MSN: variants seen among roughly 807,000 people sequenced by gnomAD.
MSN encodes the protein epididymis luminal protein 70.
Under a neutral mutation model 48.0 loss-of-function variants are expected in MSN, and 2 were observed. The ratio of observed to expected loss-of-function variants is 0.04; its 90% confidence interval spans 0.02 to 0.13. MSN has a LOEUF of 0.13. Ranked by LOEUF, MSN falls within the 10% of genes least tolerant of loss-of-function variation. The pLI, the probability that MSN is intolerant of heterozygous loss-of-function variation, is 1.00. For missense variants in MSN, 267 were observed against 470.1 expected, an observed-to-expected ratio of 0.57 and a Z score of 3.99; for synonymous variants, 146 against 166.9, an observed-to-expected ratio of 0.87 and a Z score of 0.97.
chrX:65,648,778 G>T (rs917341325), intron 1 of MSN, among the ~76,000 whole-genome samples: 3 of 109,663 alleles, frequency 2.7e-5, no homozygotes, highest in Non-Finnish European at 3.8e-5. Context: ...CAGGAGAATC[G>T]CTTGAACCTG....
intron 1 of MSN, chrX:65,716,523 A>C: frequency 2.8e-6 from 1 of 353,777 alleles, no homozygotes. Flanking sequence ...CAATCCACCC[A>C]CCTCGGCCTC....
Position 65,647,212 on chromosome X carries a change from C to CT in MSN, c.-22+58617dup, listed in dbSNP as rs764965063. Among the ~76,000 whole-genome samples the CT allele has an allele frequency of 9.1e-3, 883 of 96,538 alleles. 16 individuals carry two copies. Among genetic ancestry groups the CT allele is most frequent in the African/African-American group, 0.025 (673 of 26,671 alleles). 83.8% of individuals were successfully genotyped at this position (96,538 alleles called of 115,157 possible). On this transcript the variant is annotated intron_variant, in intron 1 of 3. Transcript: ENST00000609672. Reference sequence around the variant, plus strand: ...GAAAGGTGGTTAGTTTGCTCTATCTCTTTTTTTTTTTTTTTTTGAGATGGA... The same window carrying CT: ...GAAAGGTGGTTAGTTTGCTCTATCTCTTTTTTTTTTTTTTTTTTGAGATGGA...
intron 1 of MSN, among the ~76,000 whole-genome samples, chrX:65,653,756 A>G (rs191170129): frequency 9.1e-6 from 1 of 110,487 alleles, no homozygotes; most frequent in Admixed American, 9.7e-5. Context: ...CATAGCTATG[A>G]CCACACTTTT....
At chrX:65,664,279 A>G (rs2070849526), upstream of MSN, among the ~76,000 whole-genome samples, 2 of 110,896 alleles carry the variant, frequency 1.8e-5, no homozygotes, top group South Asian at 7.7e-4. Flanking sequence ...TTGAGCACCT[A>G]CAGACATAAA....
At chrX:65,688,372 C>T (rs1310656306) in intron 1 of MSN, among the ~76,000 whole-genome samples, 4 of 111,720 alleles carry the variant, frequency 3.6e-5, no homozygotes, top group Non-Finnish European at 7.5e-5. Context: ...GCCAACACAC[C>T]CAGCCAGGAA....
intron 1 of MSN, among the ~76,000 whole-genome samples, chrX:65,671,612 G>A: frequency 1.8e-5 from 2 of 112,074 alleles, no homozygotes; most frequent in South Asian, 7.5e-4. Flanking sequence ...GAGGTCATAT[G>A]AGAGAGGATC....
At chrX:65,681,152 T>A (rs1375234766) in intron 1 of MSN, among the ~76,000 whole-genome samples, 19 of 111,215 alleles carry the variant, frequency 1.7e-4, no homozygotes, top group Non-Finnish European at 1.9e-5. Context: ...CTCTTCTTCA[T>A]CTCCCCCCCA....
intron 2 of MSN, among the ~76,000 whole-genome samples, chrX:65,717,957 G>C (rs1420642324): frequency 1.7e-4 from 19 of 111,965 alleles, no homozygotes; most frequent in African/African-American, 5.5e-4. Context: ...TGACTGGTGA[G>C]AGAAAAGACA....
At chrX:65,677,714 C>T (rs1230228517) in intron 1 of MSN, among the ~76,000 whole-genome samples, 1 of 108,600 alleles carries the variant, frequency 9.2e-6, no homozygotes, top group Admixed American at 9.9e-5. Context: ...GCTGAGATCA[C>T]GCCATTGCAC....
chrX:65,656,572 G>A (rs767711624), intron 1 of MSN, among the ~76,000 whole-genome samples: 4 of 111,359 alleles, frequency 3.6e-5, no homozygotes, highest in Non-Finnish European at 7.5e-5. Context: ...AACAAAAACT[G>A]TGATCCCTTT....
At chrX:65,602,337 T>C (rs7065429) in intron 1 of MSN, among the ~76,000 whole-genome samples, 24,783 of 111,116 alleles carry the variant, frequency 0.22, 6,778 homozygotes, top group African/African-American at 0.77. Context: ...TCTCTTCATC[T>C]CCAAGGCTGC....
intron 1 of MSN, among the ~76,000 whole-genome samples, chrX:65,604,909 C>T (rs773275559): frequency 1.8e-5 from 2 of 111,889 alleles, no homozygotes; most frequent in African/African-American, 6.5e-5. Context: ...TACCTCCCTA[C>T]AGTCAATGCT....
At chrX:65,696,523 T>A (rs2071242108) in intron 1 of MSN, among the ~76,000 whole-genome samples, 1 of 111,253 alleles carries the variant, frequency 9.0e-6, no homozygotes, top group African/African-American at 3.3e-5. Context: ...TTGGCCTCTT[T>A]ACTGTTGTCT....
chrX:65,680,300 A>T (rs1336373770), intron 1 of MSN, among the ~76,000 whole-genome samples: 1 of 111,929 alleles, frequency 8.9e-6, no homozygotes, highest in Non-Finnish European at 1.9e-5. Flanking sequence ...TCATATATGT[A>T]CCTTAGTTTT....
At chrX:65,685,178 T>TG (rs1309824636) in intron 1 of MSN, among the ~76,000 whole-genome samples, 1 of 112,653 alleles carries the variant, frequency 8.9e-6, no homozygotes, top group Non-Finnish European at 1.9e-5. Flanking sequence ...ACCCTTCTGT[T>TG]GCGATGAAAG....
intron 1 of MSN, among the ~76,000 whole-genome samples, chrX:65,596,376 G>A (rs2070186726): frequency 9.0e-6 from 1 of 110,542 alleles, no homozygotes; most frequent in South Asian, 3.8e-4. Flanking sequence ...GTTTGGGAGG[G>A]AGGGAGTCTG....
intron 1 of MSN, among the ~76,000 whole-genome samples, chrX:65,695,529 A>C (rs1360350622): frequency 9.3e-6 from 1 of 107,904 alleles, no homozygotes; most frequent in Admixed American, 9.9e-5. Flanking sequence ...AAAAAAAAAA[A>C]AAAAACAAAG....
chrX:65,681,429 A>G (rs1337050638), intron 1 of MSN, among the ~76,000 whole-genome samples: 1 of 111,778 alleles, frequency 8.9e-6, no homozygotes, highest in Admixed American at 9.5e-5. Context: ...AGTAATATAC[A>G]TGGTGAGGGA....
chrX:65,644,942 G>A (rs752807645), intron 1 of MSN, among the ~76,000 whole-genome samples: 1 of 112,583 alleles, frequency 8.9e-6, no homozygotes, highest in East Asian at 2.8e-4. Context: ...TAACTCCAGG[G>A]CAAACAGAGG....
Sources: gnomAD v4.1 joint callset for allele counts (sites outside exome capture counted in the v4.1 genomes callset) on GRCh38, gnomAD v4.1.1 for gene constraint, MANE v1.5 for transcripts, NCBI Gene and HGNC (gene_info 2026-07-23, HGNC 2026-07-21) for gene names.